Variants in PECR observed in about 807,000 individuals in gnomAD.
PECR encodes peroxisomal trans-2-enoyl-CoA reductase, also known as 2,4-dienoyl-CoA reductase-related protein.
In PECR, 30 loss-of-function variants were observed where a neutral mutation model predicts 35.3. That is an observed-to-expected ratio of 0.85 (90% CI 0.64 to 1.15). The LOEUF is 1.15. Ranked by LOEUF, PECR falls within the 50% of genes most tolerant of loss-of-function variation. The pLI is 0.00. For synonymous variants in PECR, 148 were observed against 138.9 expected (o/e 1.07, Z -0.46); for missense variants, 392 against 370.8 (o/e 1.06, Z -0.47).
At chr2:216,078,711 G>A (rs1695763606) in intron 1 of PECR, among the ~76,000 whole-genome samples, 2 of 151,900 alleles carry the variant, frequency 1.3e-5, no homozygotes, top group South Asian at 4.2e-4. Context: ...CAAAAGACAC[G>A]CCACCACTTT....
intron 1 of PECR, among the ~76,000 whole-genome samples, chr2:216,070,279 C>T (rs1018953468): frequency 6.6e-6 from 1 of 152,136 alleles, no homozygotes; most frequent in Non-Finnish European, 1.5e-5. Context: ...GTATCTATCA[C>T]CTCTTATCAT....
intron 7 of PECR, among the ~76,000 whole-genome samples, chr2:216,031,591 GAA>G (rs1694701141): frequency 1.5e-5 from 2 of 131,260 alleles, no homozygotes; most frequent in Admixed American, 1.5e-4. Flanking sequence ...AAGAAGGAAA[GAA>G]AAGAAGGAAA....
chr2:216,030,721 C>A (rs1479950190), intron 7 of PECR, among the ~76,000 whole-genome samples: 1 of 107,070 alleles, frequency 9.3e-6, no homozygotes, highest in African/African-American at 3.0e-5. Context: ...TTTTGTATTT[C>A]TTTCTTTCTT....
At chr2:216,029,102 CTTTATTTA>C (rs150371337) in intron 7 of PECR, among the ~76,000 whole-genome samples, 2 of 151,858 alleles carry the variant, frequency 1.3e-5, no homozygotes, top group African/African-American at 4.9e-5. Flanking sequence ...TTATATTCAT[CTTTATTTA>C]TTTATTTAAA....
chr2:216,078,459 C>A (rs970644216), intron 1 of PECR, among the ~76,000 whole-genome samples: 3 of 151,840 alleles, frequency 2.0e-5, no homozygotes, highest in Non-Finnish European at 4.4e-5. Flanking sequence ...GGTAAAACCC[C>A]GTCTCTATTA....
At chr2:216,030,927 TTCTCTC>T (rs113417580) in intron 7 of PECR, among the ~76,000 whole-genome samples, 8,656 of 130,426 alleles carry the variant, frequency 0.066, 352 homozygotes, top group South Asian at 0.16. Flanking sequence ...ATGAGGCCCA[TTCTCTC>T]TCTCTCTCTC....
intron 1 of PECR, among the ~76,000 whole-genome samples, chr2:216,079,280 CAATTTT>C (rs1188360957): frequency 6.7e-6 from 1 of 148,816 alleles, no homozygotes; most frequent in African/African-American, 2.5e-5. Flanking sequence ...AAGACGAAGA[CAATTTT>C]AATTACTCAT....
At chr2:216,072,330 C>A (rs970908790) in intron 1 of PECR, among the ~76,000 whole-genome samples, 1 of 152,158 alleles carries the variant, frequency 6.6e-6, no homozygotes, top group African/African-American at 2.4e-5. Context: ...TCCATTTGGC[C>A]TGAACTATTT....
intron 2 of PECR, among the ~76,000 whole-genome samples, chr2:216,066,082 C>T (rs1695460716): frequency 6.6e-6 from 1 of 152,120 alleles, no homozygotes; most frequent in Non-Finnish European, 1.5e-5. Context: ...CGATATAGTG[C>T]CACTGCCTTT....
At chr2:216,041,567 T>C (rs535559843) in intron 7 of PECR, among the ~76,000 whole-genome samples, 125 of 152,310 alleles carry the variant, frequency 8.2e-4, no homozygotes, top group African/African-American at 2.9e-3. Context: ...CGCATACAAC[T>C]CCTAATATCC....
intron 7 of PECR, among the ~76,000 whole-genome samples, chr2:216,031,107 G>A (rs560106250): frequency 8.5e-5 from 13 of 152,054 alleles, no homozygotes; most frequent in East Asian, 7.7e-4. Context: ...GTAACAACGC[G>A]TTAGAAAGAG....
chr2:216,040,784 T>C (rs1465108004), intron 7 of PECR, among the ~76,000 whole-genome samples: 1 of 152,096 alleles, frequency 6.6e-6, no homozygotes, highest in Non-Finnish European at 1.5e-5. Context: ...GGCAGGAGAA[T>C]TGCTTGAACC....
chr2:216,057,636 G>T (rs576361032), intron 4 of PECR: 4 of 152,232 alleles, frequency 2.6e-5, no homozygotes, highest in African/African-American at 9.6e-5. Flanking sequence ...AGGTAGAGTG[G>T]TATCAATGGC....
intron 6 of PECR, 91 bp from the exon 7 acceptor site, chr2:216,044,106 C>T (rs927959218): frequency 1.9e-5 from 14 of 722,006 alleles, no homozygotes; most frequent in Non-Finnish European, 3.3e-5. Flanking sequence ...ATCTCAAAGC[C>T]CATGATTGTA....
chr2:216,047,390 G>A (rs958720680), intron 6 of PECR, among the ~76,000 whole-genome samples: 1 of 152,106 alleles, frequency 6.6e-6, no homozygotes. Flanking sequence ...AGTTTCATGG[G>A]CTTGCTTTTA....
intron 1 of PECR, among the ~76,000 whole-genome samples, chr2:216,079,151 CTTT>C (rs77646025): frequency 6.0e-5 from 6 of 99,390 alleles, no homozygotes; most frequent in African/African-American, 9.9e-5. Context: ...AATGTTTTTG[CTTT>C]TTTTTTTTTT....
intron 4 of PECR, among the ~76,000 whole-genome samples, chr2:216,053,850 G>C (rs1438923840): frequency 6.6e-6 from 1 of 152,124 alleles, no homozygotes; most frequent in Non-Finnish European, 1.5e-5. Context: ...ATGTTGAAAA[G>C]ATACTAAAGA....
chr2:216,074,754 C>T (rs1351091277), intron 1 of PECR, among the ~76,000 whole-genome samples: 1 of 152,210 alleles, frequency 6.6e-6, no homozygotes, highest in Non-Finnish European at 1.5e-5. Flanking sequence ...AGTAAAGATG[C>T]ACTGAAATAC....
Position 216,081,613 on chromosome 2 carries a change from C to G in PECR, c.124+5G>C. The G allele has an allele frequency of 6.2e-7, 1 of 1,613,784 alleles. No individual in the cohort carries two copies. The highest frequency in any genetic ancestry group is 8.5e-7 in the Non-Finnish European group (1 of 1,179,948). On this transcript the variant is annotated splice_donor_5th_base_variant and intron_variant, in intron 1 of 7. Transcript: ENST00000265322. ...CCTCTCTGCACCAGCGGCCCGCTCA[C>G]GTACCCAGCTCCAGGAGCTCCTTCA...
Sources: allele counts gnomAD v4.1 joint callset (sites outside exome capture counted in the v4.1 genomes callset), GRCh38; gene constraint gnomAD v4.1.1; transcripts MANE v1.5; gene names NCBI Gene and HGNC (gene_info 2026-07-23, HGNC 2026-07-21).